The following ELMO1 variants were observed in gnomAD, a reference collection of about 807,000 sequenced individuals.
ELMO1 encodes the protein engulfment and cell motility 1.
A neutral mutation model predicts 98.9 loss-of-function variants in ELMO1; 26 were observed. That is an observed-to-expected ratio of 0.26 (90% CI 0.19 to 0.36). ELMO1 has a LOEUF of 0.36. Ranked by LOEUF, ELMO1 falls within the 10% of genes least tolerant of loss-of-function variation. ELMO1 has a pLI of 1.00. For missense variants in ELMO1, 627 were observed against 935.2 expected (o/e 0.67, Z 4.30); for synonymous variants, 346 against 346.0 (o/e 1.00, Z 0.00).
intron 13 of ELMO1, among the ~76,000 whole-genome samples, chr7:37,162,639 T>C (rs567886145): frequency 3.7e-4 from 56 of 152,260 alleles, no homozygotes; most frequent in African/African-American, 1.3e-3. Context: ...TTTTTAAAGT[T>C]GAAAACAGGA....
intron 1 of ELMO1, among the ~76,000 whole-genome samples, chr7:37,363,049 C>A (rs193073619): frequency 1.4e-3 from 219 of 152,330 alleles, no homozygotes; most frequent in African/African-American, 4.9e-3. Context: ...TGCAAGACAG[C>A]AAACTCTGTT....
At chr7:37,294,357 A>G (rs1175600220) in intron 4 of ELMO1, among the ~76,000 whole-genome samples, 7 of 63,782 alleles carry the variant, frequency 1.1e-4, no homozygotes, top group Non-Finnish European at 2.9e-4. Flanking sequence ...AAGCCATTTA[A>G]AAAAAAAAAA....
At chr7:37,045,302 G>A (rs1346209417) in intron 15 of ELMO1, among the ~76,000 whole-genome samples, 5 of 152,178 alleles carry the variant, frequency 3.3e-5, no homozygotes, top group African/African-American at 1.2e-4. Flanking sequence ...TTAATAACAG[G>A]AGAAATGATG....
At position 36,969,962 on chromosome 7, in the gene ELMO1, C is replaced by T. The variant is rs59106325; in HGVS notation, c.1437+43337G>A. 9.0e-3 allele frequency among the ~76,000 whole-genome samples: 1,366 copies of T among 151,886 alleles called. 24 individuals are homozygous for T. The highest frequency in any genetic ancestry group is 0.031 in the African/African-American group (1,282 of 41,402). On this transcript the variant is annotated intron_variant, in intron 16 of 21. Transcript: ENST00000310758. The stretch of plus-strand genomic sequence containing the variant: ...AAGATTTCTATTTTTCAAGAATTTA[C>T]TTTGATGGTTAAATAAAATTATTAT...
chr7:37,294,239 C>T (rs928808145), intron 4 of ELMO1, among the ~76,000 whole-genome samples: 1 of 152,070 alleles, frequency 6.6e-6, no homozygotes, highest in Non-Finnish European at 1.5e-5. Flanking sequence ...CACCTATAAT[C>T]CCAGCTACTT....
chr7:37,357,447 G>A (rs1213501165), intron 1 of ELMO1, among the ~76,000 whole-genome samples: 1 of 152,040 alleles, frequency 6.6e-6, no homozygotes, highest in Non-Finnish European at 1.5e-5. Context: ...TGGTTTTAGT[G>A]GAGACTAAGA....
chr7:37,133,264 G>T (rs1478428181), intron 13 of ELMO1, 30 bp from the exon 14 acceptor site: 1 of 1,555,686 alleles, frequency 6.4e-7, no homozygotes, highest in Non-Finnish European at 8.8e-7. Flanking sequence ...ATGATAAGGT[G>T]AATTCTTCAG....
intron 15 of ELMO1, among the ~76,000 whole-genome samples, chr7:37,022,469 A>G (rs1332511812): frequency 6.6e-6 from 1 of 152,244 alleles, no homozygotes; most frequent in Non-Finnish European, 1.5e-5. Flanking sequence ...CAATGAACAC[A>G]TGAAAAGGAG....
At chr7:36,967,458 C>T (rs962191709) in intron 16 of ELMO1, among the ~76,000 whole-genome samples, 1 of 152,170 alleles carries the variant, frequency 6.6e-6, no homozygotes, top group Non-Finnish European at 1.5e-5. Flanking sequence ...CATCAGTGCT[C>T]GTCCTTGGCT....
chr7:37,435,761 C>T (rs1272759281), intron 1 of ELMO1, among the ~76,000 whole-genome samples: 1 of 152,170 alleles, frequency 6.6e-6, no homozygotes, highest in Non-Finnish European at 1.5e-5. Flanking sequence ...TATGACAACG[C>T]TTATGACTGG....
At chr7:37,188,396 C>T (rs1791342167) in intron 13 of ELMO1, among the ~76,000 whole-genome samples, 1 of 141,352 alleles carries the variant, frequency 7.1e-6, no homozygotes, top group Non-Finnish European at 1.5e-5. Flanking sequence ...AACATACAGA[C>T]TGTGCTTCTT....
chr7:37,099,523 C>G (rs1365441373), intron 14 of ELMO1, among the ~76,000 whole-genome samples: 1 of 152,068 alleles, frequency 6.6e-6, no homozygotes, highest in Non-Finnish European at 1.5e-5. Context: ...AGCAAATATG[C>G]TAGAACAGAA....
At chr7:36,962,291 A>T (rs911053365) in intron 16 of ELMO1, among the ~76,000 whole-genome samples, 2 of 152,220 alleles carry the variant, frequency 1.3e-5, no homozygotes, top group Admixed American at 6.5e-5. Context: ...ATCCAGAAAC[A>T]AAGGCCAGTA....
At chr7:36,999,662 A>T (rs1008201599) in intron 16 of ELMO1, among the ~76,000 whole-genome samples, 1 of 152,220 alleles carries the variant, frequency 6.6e-6, no homozygotes, top group Admixed American at 6.5e-5. Context: ...GGTAAATACA[A>T]CTGATTCCAC....
intron 18 of ELMO1, among the ~76,000 whole-genome samples, chr7:36,884,367 C>A (rs1286803557): frequency 6.6e-6 from 1 of 151,586 alleles, no homozygotes; most frequent in African/African-American, 2.4e-5. Context: ...AAATTAATAG[C>A]AAACATCATT....
At chr7:37,395,651 A>C (rs1011991644) in intron 1 of ELMO1, among the ~76,000 whole-genome samples, 1 of 152,196 alleles carries the variant, frequency 6.6e-6, no homozygotes, top group Non-Finnish European at 1.5e-5. Flanking sequence ...GAAGATGAAA[A>C]CCCAGGGTTT....
chr7:37,020,332 C>T (rs1212300795), intron 15 of ELMO1, among the ~76,000 whole-genome samples: 1 of 152,214 alleles, frequency 6.6e-6, no homozygotes, highest in Non-Finnish European at 1.5e-5. Flanking sequence ...AGTTCCCAAA[C>T]TACTATTTCC....
intron 15 of ELMO1, among the ~76,000 whole-genome samples, chr7:37,089,650 T>G (rs954847918): frequency 3.9e-5 from 6 of 152,220 alleles, no homozygotes; most frequent in Non-Finnish European, 7.3e-5. Context: ...TTGCTGCATT[T>G]AAAAAGATAC....
chr7:36,895,931 A>G (rs1400818737), intron 16 of ELMO1, among the ~76,000 whole-genome samples: 1 of 152,170 alleles, frequency 6.6e-6, no homozygotes, highest in East Asian at 1.9e-4. Flanking sequence ...GGTAGATATT[A>G]CCATCAAGTC....
Sources: gnomAD v4.1 joint callset for allele counts (sites outside exome capture counted in the v4.1 genomes callset) on GRCh38, gnomAD v4.1.1 for gene constraint, MANE v1.5 for transcripts, NCBI Gene and HGNC (gene_info 2026-07-23, HGNC 2026-07-21) for gene names.